Variants in MAML2 observed in about 807,000 individuals in gnomAD.
MAML2 encodes mastermind like transcriptional coactivator 2, also known as mastermind-like protein 2.
A neutral mutation model predicts 96.1 loss-of-function variants in MAML2; 22 were observed. The ratio of observed to expected loss-of-function variants is 0.23; its 90% CI spans 0.16 to 0.33. The LOEUF is 0.33. Among genes scored for constraint, MAML2 ranks in the 10% least tolerant of loss-of-function variants. The pLI is 1.00. For synonymous variants in MAML2, 561 were observed against 521.3 expected, an observed-to-expected ratio of 1.08 and a Z score of -1.04; for missense variants, 1,367 against 1,392.4, an observed-to-expected ratio of 0.98 and a Z score of 0.29.
chr11:96,172,885 C>G (rs891103086), intron 1 of MAML2, among the ~76,000 whole-genome samples: 1 of 152,196 alleles, frequency 6.6e-6, no homozygotes, highest in Non-Finnish European at 1.5e-5. Flanking sequence ...GAGTAGTTCT[C>G]TTTCATATGT....
intron 1 of MAML2, among the ~76,000 whole-genome samples, chr11:96,098,590 A>G (rs991674007): frequency 2.0e-5 from 3 of 152,230 alleles, no homozygotes; most frequent in Non-Finnish European, 2.9e-5. Flanking sequence ...CACAGAAATC[A>G]CTGTACTTTC....
intron 2 of MAML2, among the ~76,000 whole-genome samples, chr11:96,054,981 A>G (rs1013792686): frequency 2.6e-5 from 4 of 152,170 alleles, no homozygotes; most frequent in African/African-American, 9.7e-5. Context: ...ATTCATTTAG[A>G]TCTACTGTTC....
chr11:96,336,195 T>A (rs916364593), intron 1 of MAML2, among the ~76,000 whole-genome samples: 1 of 152,208 alleles, frequency 6.6e-6, no homozygotes, highest in African/African-American at 2.4e-5. Context: ...ATGCATTAAA[T>A]TATTCAATTT....
intron 2 of MAML2, among the ~76,000 whole-genome samples, chr11:96,065,601 T>C (rs1590990343): frequency 6.6e-6 from 1 of 152,212 alleles, no homozygotes; most frequent in Admixed American, 6.5e-5. Flanking sequence ...ATTCTGGGAG[T>C]TGCCATTTAT....
intron 1 of MAML2, among the ~76,000 whole-genome samples, chr11:96,338,191 G>T (rs1863943562): frequency 6.6e-6 from 1 of 152,210 alleles, no homozygotes; most frequent in African/African-American, 2.4e-5. Context: ...CAATTATTCA[G>T]TTTCACAGTT....
At chr11:96,288,806 T>C (rs943887236) in intron 1 of MAML2, among the ~76,000 whole-genome samples, 29 of 152,202 alleles carry the variant, frequency 1.9e-4, no homozygotes, top group Admixed American at 1.7e-3. Context: ...AAGGTTTTTC[T>C]ACTATACATT....
chr11:96,211,119 A>G (rs1861964943), intron 1 of MAML2, among the ~76,000 whole-genome samples: 1 of 152,234 alleles, frequency 6.6e-6, no homozygotes, highest in African/African-American at 2.4e-5. Flanking sequence ...TAAGTGGATT[A>G]AAGTTAAATA....
chr11:96,167,977 G>A (rs1299011157), intron 1 of MAML2, among the ~76,000 whole-genome samples: 1 of 152,208 alleles, frequency 6.6e-6, no homozygotes, highest in East Asian at 1.9e-4. Context: ...TGCTGAGACT[G>A]TGAGCTCCTG....
At chr11:96,117,246 C>G (rs1047199338) in intron 1 of MAML2, among the ~76,000 whole-genome samples, 1 of 151,402 alleles carries the variant, frequency 6.6e-6, no homozygotes, top group African/African-American at 2.4e-5. Flanking sequence ...CACAAAGCAA[C>G]TGGACTCCTT....
Position 96,009,973 on chromosome 11 carries a change from G to T in MAML2, c.2140-18250C>A, listed in dbSNP as rs556010955. On this transcript the variant is annotated intron_variant, in intron 2 of 4. Transcript: ENST00000524717. ...ATTTATAAGGCGTGGGTTATGAAAA[G>T]ATGTTCCTTAGAGGGTTGCAGTTCT... is the stretch of plus-strand genomic sequence containing the variant. Among the ~76,000 whole-genome samples, 6 of 152,270 alleles carry T rather than the reference G, an allele frequency of 3.9e-5. No individual in the cohort carries two copies. The South Asian group carries it at 1.2e-3, about 32-fold the overall frequency.
intron 1 of MAML2, among the ~76,000 whole-genome samples, chr11:96,336,964 G>A (rs1863927418): frequency 6.6e-6 from 1 of 152,130 alleles, no homozygotes; most frequent in Non-Finnish European, 1.5e-5. Context: ...TCCTAAACAA[G>A]CAAGATATCT....
intron 2 of MAML2, among the ~76,000 whole-genome samples, chr11:96,071,953 C>T (rs1157124140): frequency 1.3e-5 from 2 of 152,116 alleles, no homozygotes; most frequent in African/African-American, 2.4e-5. Context: ...GAGATGAGTC[C>T]GTCTTCAGTT....
At chr11:96,284,886 C>T (rs1863117134) in intron 1 of MAML2, among the ~76,000 whole-genome samples, 1 of 152,162 alleles carries the variant, frequency 6.6e-6, no homozygotes, top group Non-Finnish European at 1.5e-5. Context: ...ACATTCTAAT[C>T]ACTTTAGAAA....
chr11:96,001,636 C>G (rs1034915209), intron 2 of MAML2, among the ~76,000 whole-genome samples: 8 of 152,060 alleles, frequency 5.3e-5, no homozygotes, highest in Non-Finnish European at 1.2e-4. Flanking sequence ...GAACTCAACC[C>G]CCCCTCACTC....
chr11:96,308,528 C>A (rs559477), intron 1 of MAML2, among the ~76,000 whole-genome samples: 72,195 of 151,972 alleles, frequency 0.48, 18,044 homozygotes, highest in Non-Finnish European at 0.56. Context: ...TTTCCCATAC[C>A]CAAAATCTAA....
intron 1 of MAML2, among the ~76,000 whole-genome samples, chr11:96,148,296 G>T (rs1158952801): frequency 6.6e-6 from 1 of 152,146 alleles, no homozygotes; most frequent in Non-Finnish European, 1.5e-5. Context: ...TCTTTGGGGG[G>T]TTGTTTCAGA....
intron 1 of MAML2, among the ~76,000 whole-genome samples, chr11:96,227,397 A>C (rs893990407): frequency 6.6e-6 from 1 of 152,198 alleles, no homozygotes; most frequent in Non-Finnish European, 1.5e-5. Context: ...ATTCACAGCT[A>C]TACTGTAAGT....
chr11:96,161,754 A>G (rs1275417532), intron 1 of MAML2, among the ~76,000 whole-genome samples: 1 of 152,234 alleles, frequency 6.6e-6, no homozygotes, highest in East Asian at 1.9e-4. Flanking sequence ...CAGCATCAAC[A>G]TGTCCAGGAA....
At chr11:96,174,466 C>T (rs542874767) in intron 1 of MAML2, among the ~76,000 whole-genome samples, 192 of 152,354 alleles carry the variant, frequency 1.3e-3, no homozygotes, top group African/African-American at 4.4e-3. Flanking sequence ...TCACTGCAAC[C>T]TCTGCCTCCT....
Sources: gnomAD v4.1 joint callset for allele counts (sites outside exome capture counted in the v4.1 genomes callset) on GRCh38, gnomAD v4.1.1 for gene constraint, MANE v1.5 for transcripts, NCBI Gene and HGNC (gene_info 2026-07-23, HGNC 2026-07-21) for gene names.